The following NRAP variants were observed in gnomAD, a reference collection of about 807,000 sequenced individuals.
NRAP encodes the protein nebulin related anchoring protein.
In NRAP, 189 loss-of-function variants were observed where a neutral mutation model predicts 225.9. That is an observed-to-expected ratio of 0.84 (90% confidence interval 0.74 to 0.94). NRAP has a LOEUF of 0.94. Among genes scored for constraint, NRAP ranks in the 40% least tolerant of loss-of-function variants. The pLI is 0.00. For synonymous variants in NRAP, 769 were observed against 790.7 expected (o/e 0.97, Z 0.46); for missense variants, 2,176 against 2,168.7 (o/e 1.00, Z -0.07).
At chr10:113,604,178 G>A (rs961938759) in intron 35 of NRAP, among the ~76,000 whole-genome samples, 3 of 152,054 alleles carry the variant, frequency 2.0e-5, no homozygotes, top group African/African-American at 4.8e-5. Flanking sequence ...GTGCAGTGGC[G>A]CGATCTCAGC....
At chr10:113,632,440 A>C (rs1320901768) in intron 16 of NRAP, among the ~76,000 whole-genome samples, 4 of 152,352 alleles carry the variant, frequency 2.6e-5, no homozygotes, top group Non-Finnish European at 4.4e-5. Context: ...ATTAACCACA[A>C]ATCTTCACAT....
At chr10:113,663,048 G>C (rs1475889471) in intron 2 of NRAP, among the ~76,000 whole-genome samples, 1 of 152,142 alleles carries the variant, frequency 6.6e-6, no homozygotes, top group Non-Finnish European at 1.5e-5. Flanking sequence ...TTATTTAAAA[G>C]AAAATACTTC....
rs1311449917 is a variant in NRAP, at chr10:113,629,024, A to G, written c.2041-3T>C. On this transcript the variant is annotated splice_polypyrimidine_tract_variant and splice_region_variant and intron_variant, in intron 19 of 41. Transcript: ENST00000359988. ...GCCAGGTCAGCCTTGTACTGCAGCT[A>G]CAAAAGAAAAACCACAAAGCTCTCA... 1 of 1,609,048 alleles carries G rather than the reference A, an allele frequency of 6.2e-7. No individual in the cohort carries two copies. The highest frequency in any genetic ancestry group is 8.5e-7 in the Non-Finnish European group (1 of 1,175,388).
At chr10:113,590,479 G>T in intron 40 of NRAP, 99 bp downstream of exon 40, 2 of 1,207,320 alleles carry the variant, frequency 1.7e-6, no homozygotes, top group Non-Finnish European at 2.3e-6. Context: ...TCTCAGCCCA[G>T]CTCCCCCAGA....
chr10:113,642,931 C>G lies in NRAP; in HGVS notation c.1215+3G>C. 1 of 1,539,096 alleles carries G rather than the reference C, an allele frequency of 6.5e-7. No individual in the cohort carries two copies. Among genetic ancestry groups the G allele is most frequent in the Non-Finnish European group, 9.0e-7 (1 of 1,111,494 alleles). ...AAACAAAAGCTTAGCGTTAACAACT[C>G]ACATCACTGGTAAATTTTGAGATCT... On this transcript the variant is annotated splice_donor_region_variant and intron_variant, in intron 12 of 41. Coordinates refer to ENST00000359988, the MANE Select transcript of NRAP (RefSeq NM_198060.4).
chr10:113,621,955 A>G lies in NRAP; in HGVS notation c.2683T>C (p.Tyr895His). 1.2e-6 allele frequency: 2 copies of G among 1,614,206 alleles called. No individual in the cohort carries two copies. The highest frequency in any genetic ancestry group is 1.7e-6 in the Non-Finnish European group (2 of 1,180,040). The part of the protein sequence containing the change: ...KAQHLATDVG[Y>H]KTAEHHFTAL... ...GTAAAGTGATGTTCCGCTGTCTTGT[A>G]GCCTACGTCTGTGGCTAAATGCTGA... The change falls in exon 24 of 42, where the codon TAC (tyrosine) becomes CAC (histidine). Residue 895 changes from tyrosine (Y) to histidine (H), a missense_variant. Tyr to His is a moderately conservative substitution (Grantham distance 83). This residue lies in a region of NRAP where 1,708 missense variants were observed against 1,695.5 expected (regional missense o/e 1.01). Coordinates refer to ENST00000359988, the MANE Select transcript of NRAP (RefSeq NM_198060.4).
At chr10:113,657,640 T>A (rs1416631021) in intron 3 of NRAP, 66 bp from the exon 4 acceptor site, 1 of 944,522 alleles carries the variant, frequency 1.1e-6, no homozygotes, top group Admixed American at 2.0e-5. Context: ...AGACAAACAA[T>A]TCCTAGCTAA....
intron 38 of NRAP, among the ~76,000 whole-genome samples, chr10:113,593,276 G>A (rs545598533): frequency 4.7e-4 from 71 of 152,272 alleles, no homozygotes; most frequent in African/African-American, 1.5e-3. Context: ...CCTGGAAATG[G>A]AGGTCAAGGC....
rs149270776 is a variant in NRAP at position 113,630,531 on chromosome 10, T to C, written c.1843-746A>G. ...GTATGCTATAGTAGAAGGAGTGTGG[T>C]GCCAGGTAATAAGAGTTCTAGGCTC... On this transcript the variant is annotated intron_variant, in intron 18 of 41. Coordinates refer to ENST00000359988, the MANE Select transcript of NRAP (RefSeq NM_198060.4). Among the ~76,000 whole-genome samples the C allele has an allele frequency of 1.2e-3, 181 of 152,236 alleles. 1 individual carries two copies. The highest frequency in any genetic ancestry group is 4.2e-3 in the African/African-American group (174 of 41,544).
rs193051579 is a variant in NRAP at position 113,646,915 on chromosome 10, G to T, written c.993+8C>A. 3.5e-3 allele frequency: 5,516 copies of T among 1,592,816 alleles called. 15 individuals carry two copies. The highest frequency in any genetic ancestry group is 0.01 in the Middle Eastern group (61 of 6,026). ...CTGGCTCTGTGGTCACACCTACATG[G>T]TACTTACGTCACTAGCGAGTTCGTG... On this transcript the variant is annotated splice_region_variant and intron_variant, in intron 10 of 41. Transcript: ENST00000359988.
At chr10:113,621,518 C>T (rs762008376) in intron 24 of NRAP, among the ~76,000 whole-genome samples, 15 of 152,068 alleles carry the variant, frequency 9.9e-5, no homozygotes, top group Non-Finnish European at 1.6e-4. Flanking sequence ...CTATCAAAGT[C>T]GGGGTGAGTT....
At chr10:113,596,154 G>A (rs944795447) in intron 37 of NRAP, among the ~76,000 whole-genome samples, 2 of 152,146 alleles carry the variant, frequency 1.3e-5, no homozygotes, top group Non-Finnish European at 2.9e-5. Flanking sequence ...AATATGCATA[G>A]TTAATAAGTT....
intron 35 of NRAP, among the ~76,000 whole-genome samples, chr10:113,603,496 A>C (rs1401045852): frequency 1.3e-5 from 2 of 151,926 alleles, no homozygotes; most frequent in Admixed American, 1.3e-4. Context: ...TTCCCACATG[A>C]CCTCATCCCT....
chr10:113,602,155 AGT>A (rs1459434714), intron 35 of NRAP, among the ~76,000 whole-genome samples: 2 of 152,176 alleles, frequency 1.3e-5, no homozygotes, highest in African/African-American at 4.8e-5. Context: ...TGGAATTACA[AGT>A]GTGAGCCACC....
In NRAP at chr10:113,605,771, T is replaced by G. The variant is rs1846919134; in HGVS notation, c.3906A>C (p.Ile1302=). The change falls in exon 34 of 42, where the codon ATA becomes ATC. Residue 1302 remains isoleucine, a synonymous_variant. Transcript: ENST00000359988. ...PFQAARASGD[I]ASDFLYRHDF... The stretch of plus-strand genomic sequence containing the variant: ...ATATCATTCAACTCACATCACTGGC[T>G]ATATCTCCAGAGGCCCGGGCAGCCT... The G allele has an allele frequency of 6.2e-7, 1 of 1,607,724 alleles. No individual in the cohort carries two copies. The highest frequency in any genetic ancestry group is 2.2e-5 in the East Asian group (1 of 44,868).
At chr10:113,614,459 G>T (rs1847523431) in intron 28 of NRAP, among the ~76,000 whole-genome samples, 163 bp from the exon 29 acceptor site, 1 of 152,192 alleles carries the variant, frequency 6.6e-6, no homozygotes, top group Non-Finnish European at 1.5e-5. Context: ...TCATATGCAA[G>T]ACTCCCAATG....
intron 40 of NRAP, 24 bp from the exon 41 acceptor site, chr10:113,589,821 A>G: frequency 6.2e-7 from 1 of 1,611,680 alleles, no homozygotes; most frequent in Non-Finnish European, 8.5e-7. Flanking sequence ...GGGAAGCAAG[A>G]GGAATATGTC....
Position 113,657,457 on chromosome 10 carries a change from A to G in NRAP, c.360+13T>C, listed in dbSNP as rs761720713. On this transcript the variant is annotated intron_variant, in intron 4 of 41. Transcript: ENST00000359988. ...CTTTCTTTTTCCAAACCCACTTGTC[A>G]CTTTTCTCTCACCTCATTTGCCAGT... is the stretch of plus-strand genomic sequence containing the variant. 2.2e-6 allele frequency: 3 copies of G among 1,339,310 alleles called. No individual in the cohort carries two copies. The highest frequency in any genetic ancestry group is 3.2e-6 in the Non-Finnish European group (3 of 930,418). The allele number at this position is 1,339,310 out of a possible 1,614,324, so 83.0% of individuals were successfully genotyped here. A position where few individuals can be genotyped will look rare whatever the true frequency, so the allele number is the denominator to read the frequency against.
intron 12 of NRAP, among the ~76,000 whole-genome samples, 194 bp from the exon 13 acceptor site, chr10:113,641,666 T>C (rs113182382): frequency 0.01 from 1,563 of 152,038 alleles, 29 homozygotes; most frequent in African/African-American, 0.036. Flanking sequence ...TCACAAGAAG[T>C]TGGAGTAAGA....
Sources: allele counts gnomAD v4.1 joint callset (sites outside exome capture counted in the v4.1 genomes callset), GRCh38; gene constraint gnomAD v4.1.1; regional missense constraint gnomAD v4.1.1; transcripts MANE v1.5; gene names NCBI Gene and HGNC (gene_info 2026-07-23, HGNC 2026-07-21).